The following TMEM14B variants were observed in gnomAD, a reference collection of about 807,000 sequenced individuals.
The protein encoded by TMEM14B is transmembrane protein 14B.
TMEM14B carries 9 observed loss-of-function variants against 14.8 expected under a neutral mutation model. That is an observed-to-expected ratio of 0.61 (90% CI 0.37 to 1.06). The LOEUF is 1.06. TMEM14B is among the 50% of genes least tolerant of loss of function. The pLI, the probability that TMEM14B is intolerant of heterozygous loss-of-function variation, is 0.01. For synonymous variants in TMEM14B, 40 were observed against 51.3 expected (o/e 0.78, Z 0.94); for missense variants, 128 against 143.6 (o/e 0.89, Z 0.56).
At chr6:10,752,575 G>C (rs1771633527) in intron 4 of TMEM14B, among the ~76,000 whole-genome samples, 1 of 150,240 alleles carries the variant, frequency 6.7e-6, no homozygotes, top group African/African-American at 2.5e-5. Context: ...TCCTGCCTCA[G>C]CCTTCTAGGT....
At chr6:10,757,926 G>A (rs1176410782), downstream of TMEM14B, among the ~76,000 whole-genome samples, 3 of 151,852 alleles carry the variant, frequency 2.0e-5, no homozygotes, top group Non-Finnish European at 4.4e-5. Context: ...AGGAGGCTGT[G>A]GTTGCAGCGA....
chr6:10,750,736 G>A (rs1220807643), intron 3 of TMEM14B, among the ~76,000 whole-genome samples: 2 of 152,002 alleles, frequency 1.3e-5, no homozygotes, highest in East Asian at 3.9e-4. Context: ...GAGTCTGTCT[G>A]GCTCTCTTAG....
intron 2 of TMEM14B, among the ~76,000 whole-genome samples, 165 bp from the exon 3 acceptor site, chr6:10,749,457 C>T (rs982258146): frequency 1.3e-5 from 2 of 152,170 alleles, no homozygotes; most frequent in Non-Finnish European, 2.9e-5. Context: ...GTGTGACTCT[C>T]AGAAAGTCAT....
At chr6:10,758,348 T>G (rs1033020151), downstream of TMEM14B, among the ~76,000 whole-genome samples, 1 of 152,208 alleles carries the variant, frequency 6.6e-6, no homozygotes, top group African/African-American at 2.4e-5. Flanking sequence ...GTTCCCTGAA[T>G]GTGGGAATTA....
At chr6:10,758,095 G>A (rs561208291), downstream of TMEM14B, among the ~76,000 whole-genome samples, 47 of 152,224 alleles carry the variant, frequency 3.1e-4, no homozygotes, top group African/African-American at 1.1e-3. Context: ...CCCCTGGATG[G>A]TGGTCCTAGT....
intron 2 of TMEM14B, 114 bp from the exon 3 acceptor site, chr6:10,749,508 G>A: frequency 2.4e-6 from 3 of 1,270,186 alleles, no homozygotes; most frequent in East Asian, 2.3e-5. Context: ...AGTACCTGTG[G>A]GCACATAGGA....
intron 5 of TMEM14B, 63 bp downstream of exon 5, chr6:10,755,295 A>G: frequency 6.2e-7 from 1 of 1,610,264 alleles, no homozygotes; most frequent in Non-Finnish European, 8.5e-7. Flanking sequence ...AGAATACTTT[A>G]TGCATTCAAA....
At chr6:10,750,028 C>T in intron 3 of TMEM14B, 2 of 368,914 alleles carry the variant, frequency 5.4e-6, no homozygotes, top group Non-Finnish European at 1.0e-5. Flanking sequence ...GAGTCAACCT[C>T]TGGCCTACAC....
intron 1 of TMEM14B, 47 bp from the exon 2 acceptor site, chr6:10,749,154 TG>T: frequency 1.5e-6 from 2 of 1,315,416 alleles, no homozygotes; most frequent in East Asian, 2.3e-5. Context: ...TTCTGACTGC[TG>T]GGGAGCTGTG....
chr6:10,758,380 C>T (rs915289199), downstream of TMEM14B, among the ~76,000 whole-genome samples: 1 of 152,154 alleles, frequency 6.6e-6, no homozygotes, highest in African/African-American at 2.4e-5. Flanking sequence ...AAGTAGATCC[C>T]CATGTGACTA....
intron 1 of TMEM14B, 49 bp from the exon 2 acceptor site, chr6:10,749,153 C>A: frequency 1.5e-6 from 2 of 1,310,924 alleles, no homozygotes; most frequent in Non-Finnish European, 2.2e-6. Flanking sequence ...TTTCTGACTG[C>A]TGGGGAGCTG....
intron 4 of TMEM14B, 143 bp downstream of exon 4, chr6:10,751,377 A>G: frequency 1.1e-6 from 1 of 893,918 alleles, no homozygotes; most frequent in Non-Finnish European, 1.7e-6. Context: ...AAGTCCTCAA[A>G]GTTTTAAAAT....
intron 4 of TMEM14B, among the ~76,000 whole-genome samples, chr6:10,754,571 AT>A (rs1238996524): frequency 6.6e-6 from 1 of 152,190 alleles, no homozygotes; most frequent in Non-Finnish European, 1.5e-5. Flanking sequence ...GAATAGGTTG[AT>A]CCCCCTGTTG....
At chr6:10,750,568 C>A (rs956418337) in intron 3 of TMEM14B, among the ~76,000 whole-genome samples, 1 of 151,944 alleles carries the variant, frequency 6.6e-6, no homozygotes, top group East Asian at 1.9e-4. Context: ...GTGATGGACG[C>A]GGGGCTTTGG....
chr6:10,758,361 T>G (rs942519373), downstream of TMEM14B, among the ~76,000 whole-genome samples: 1 of 152,184 alleles, frequency 6.6e-6, no homozygotes, highest in African/African-American at 2.4e-5. Flanking sequence ...GGGAATTAGT[T>G]TAGGTGCCAA....
downstream of TMEM14B, among the ~76,000 whole-genome samples, chr6:10,757,399 G>A (rs1370676544): frequency 3.9e-5 from 6 of 152,188 alleles, no homozygotes; most frequent in South Asian, 2.1e-4. Context: ...GGTCTCATGC[G>A]ATTCTCTCTC....
chr6:10,752,668 G>C lies in TMEM14B; in HGVS notation c.202+1434G>C, dbSNP rs560747638. 3.4e-4 allele frequency: 52 copies of C among 152,100 alleles called. 2 individuals carry two copies. Among genetic ancestry groups the C allele is most frequent in the African/African-American group, 1.1e-3 (47 of 41,368 alleles). The allele number at this position is 152,100 out of a possible 1,614,324, so 9.4% of individuals were successfully genotyped here. Reference sequence around the variant, plus strand: ...TGCAGGGTTTTTGCCATGTTGTCTGGGCTGGTTTGGAACGCCTGACCTCAG... The same window carrying C: ...TGCAGGGTTTTTGCCATGTTGTCTGCGCTGGTTTGGAACGCCTGACCTCAG... On this transcript the variant is annotated intron_variant, in intron 4 of 5. Transcript: ENST00000379542.
At chr6:10,753,707 T>G (rs867837305) in intron 4 of TMEM14B, among the ~76,000 whole-genome samples, 1 of 152,024 alleles carries the variant, frequency 6.6e-6, no homozygotes, top group Non-Finnish European at 1.5e-5. Flanking sequence ...ACACTCCCCC[T>G]GTCTTCTGTT....
chr6:10,753,091 C>T (rs1437490957), intron 4 of TMEM14B, among the ~76,000 whole-genome samples: 1 of 151,984 alleles, frequency 6.6e-6, no homozygotes, highest in Admixed American at 6.6e-5. Flanking sequence ...ACAAAATTAG[C>T]CGGGCTTGGT....
Sources: allele counts gnomAD v4.1 joint callset (sites outside exome capture counted in the v4.1 genomes callset), GRCh38; gene constraint gnomAD v4.1.1; transcripts MANE v1.5; gene names NCBI Gene and HGNC (gene_info 2026-07-23, HGNC 2026-07-21).